The following SGCZ variants were observed in gnomAD, a reference collection of about 807,000 sequenced individuals.
The protein encoded by SGCZ is zeta-sarcoglycan.
SGCZ carries 40 observed loss-of-function variants against 41.3 expected under a neutral mutation model. The ratio of observed to expected loss-of-function variants is 0.97; its 90% CI spans 0.75 to 1.26. The LOEUF (loss-of-function observed/expected upper bound fraction) is 1.26. Ranked by LOEUF, SGCZ falls within the 50% of genes most tolerant of loss-of-function variation. The probability of loss-of-function intolerance (pLI) is 0.00; values close to 1 mark genes in which losing one functional copy is unlikely to be tolerated. For missense variants in SGCZ, 552 were observed against 369.8 expected, an observed-to-expected ratio of 1.49 and a Z score of -4.04; for synonymous variants, 206 against 137.5, an observed-to-expected ratio of 1.50 and a Z score of -3.49.
intron 5 of SGCZ, among the ~76,000 whole-genome samples, chr8:14,137,617 G>T (rs757596594): frequency 1.3e-5 from 2 of 152,072 alleles, no homozygotes; most frequent in Non-Finnish European, 2.9e-5. Flanking sequence ...AGTGAGAAGA[G>T]AAGTTTAGAG....
rs183365216 is a variant in SGCZ at position 14,501,269 on chromosome 8, C to G, written c.234+53463G>C. Among the ~76,000 whole-genome samples, 277 of 151,930 alleles carry G rather than the reference C, an allele frequency of 1.8e-3. 1 individual carries two copies. The highest frequency in any genetic ancestry group is 6.8e-3 in the Middle Eastern group (2 of 294). ...ATTGCATTGAGTCTACCTGAATAATCAACGGTAATCATCTTCTCTAAATGT... is the reference window on the plus strand; with the variant it reads ...ATTGCATTGAGTCTACCTGAATAATGAACGGTAATCATCTTCTCTAAATGT... On this transcript the variant is annotated intron_variant, in intron 2 of 7. Coordinates refer to ENST00000382080, the MANE Select transcript of SGCZ (RefSeq NM_139167.4).
intron 2 of SGCZ, among the ~76,000 whole-genome samples, chr8:14,478,983 C>T (rs886260891): frequency 3.2e-4 from 49 of 152,192 alleles, no homozygotes; most frequent in African/African-American, 1.2e-3. Context: ...AATGCCCACC[C>T]CTCTAACTGT....
intron 3 of SGCZ, among the ~76,000 whole-genome samples, chr8:14,322,538 C>G (rs889512851): frequency 6.6e-6 from 1 of 152,050 alleles, no homozygotes; most frequent in Non-Finnish European, 1.5e-5. Flanking sequence ...GTTATGCTCT[C>G]AGAAATGTCC....
intron 5 of SGCZ, among the ~76,000 whole-genome samples, chr8:14,141,204 A>G (rs180751646): frequency 1.1e-3 from 168 of 152,328 alleles, no homozygotes; most frequent in African/African-American, 3.7e-3. Flanking sequence ...TGTTAGACCT[A>G]AAACCATAAA....
chr8:14,980,685 C>G (rs1322795695), intron 1 of SGCZ, among the ~76,000 whole-genome samples: 1 of 152,116 alleles, frequency 6.6e-6, no homozygotes. Flanking sequence ...TCTCATGAGA[C>G]TTATTCACCA....
At chr8:14,169,045 G>T (rs1023400287) in intron 4 of SGCZ, among the ~76,000 whole-genome samples, 2 of 152,138 alleles carry the variant, frequency 1.3e-5, no homozygotes, top group Non-Finnish European at 2.9e-5. Flanking sequence ...CTAGAGTTAG[G>T]ATTCAAGCCA....
intron 2 of SGCZ, among the ~76,000 whole-genome samples, chr8:14,325,797 C>G: frequency 8.2e-6 from 1 of 121,350 alleles, no homozygotes; most frequent in African/African-American, 3.1e-5. Flanking sequence ...TATATATCAA[C>G]CAGCACATCC....
At chr8:14,245,877 C>A (rs1019512542) in intron 3 of SGCZ, among the ~76,000 whole-genome samples, 1 of 152,126 alleles carries the variant, frequency 6.6e-6, no homozygotes, top group African/African-American at 2.4e-5. Flanking sequence ...CAGAGAAATG[C>A]AAATCAAAAC....
intron 1 of SGCZ, among the ~76,000 whole-genome samples, chr8:15,054,780 C>A (rs1804643587): frequency 6.6e-6 from 1 of 151,562 alleles, no homozygotes; most frequent in Non-Finnish European, 1.5e-5. Context: ...CGGTGAAACC[C>A]CGTCTCTACT....
At chr8:14,216,290 T>C (rs1475759265) in intron 4 of SGCZ, among the ~76,000 whole-genome samples, 1 of 152,068 alleles carries the variant, frequency 6.6e-6, no homozygotes, top group East Asian at 1.9e-4. Context: ...TTCCGAGAAG[T>C]TTTGTGTCCT....
intron 1 of SGCZ, among the ~76,000 whole-genome samples, chr8:14,771,588 A>G (rs6990932): frequency 0.029 from 4,381 of 152,208 alleles, 203 homozygotes; most frequent in African/African-American, 0.1. Context: ...ATTGGTATAT[A>G]TATTTAAAAT....
intron 4 of SGCZ, among the ~76,000 whole-genome samples, chr8:14,185,684 GT>G (rs1258036637): frequency 6.6e-6 from 1 of 151,820 alleles, no homozygotes; most frequent in African/African-American, 2.4e-5. Context: ...GTTTTGTTTT[GT>G]TTTGTTTTGG....
intron 1 of SGCZ, among the ~76,000 whole-genome samples, chr8:14,786,063 G>A (rs902424174): frequency 2.3e-5 from 3 of 132,930 alleles, no homozygotes; most frequent in Non-Finnish European, 4.6e-5. Context: ...CCTAATTTCT[G>A]AAATTATCAA....
At position 14,519,490 on chromosome 8, in the gene SGCZ, G is replaced by A. The variant is rs558092378; in HGVS notation, c.234+35242C>T. ...ATATAATGTCTTATGAACATCAAGA[G>A]AAAAGATACATTGCAACGTTCATGT... On this transcript the variant is annotated intron_variant, in intron 2 of 7. Coordinates refer to ENST00000382080, the MANE Select transcript of SGCZ (RefSeq NM_139167.4). 2.6e-5 allele frequency among the ~76,000 whole-genome samples: 4 copies of A among 152,132 alleles called. No homozygotes were observed. In the East Asian group the frequency reaches 7.7e-4, roughly 29 times the overall value.
At chr8:14,629,280 G>C (rs1409541557) in intron 1 of SGCZ, among the ~76,000 whole-genome samples, 2 of 151,238 alleles carry the variant, frequency 1.3e-5, no homozygotes, top group Non-Finnish European at 3.0e-5. Context: ...AAATCACTTA[G>C]CTTAATGCCC....
chr8:14,528,823 C>T (rs1341467508), intron 2 of SGCZ, among the ~76,000 whole-genome samples: 3 of 60,438 alleles, frequency 5.0e-5, no homozygotes, highest in Non-Finnish European at 9.0e-5. Flanking sequence ...CATCACGGAC[C>T]AGCCAAAAAA....
chr8:14,119,787 A>T (rs1477622557), intron 5 of SGCZ, among the ~76,000 whole-genome samples: 1 of 152,124 alleles, frequency 6.6e-6, no homozygotes. Context: ...GTTGAATTTT[A>T]TCAAAGGCCT....
At chr8:14,617,104 C>T (rs12216725) in intron 1 of SGCZ, among the ~76,000 whole-genome samples, 51,531 of 151,858 alleles carry the variant, frequency 0.34, 8,985 homozygotes, top group East Asian at 0.61. Flanking sequence ...GTTATTACTA[C>T]TAAATTTTGA....
Position 14,566,141 on chromosome 8 carries a change from T to C in SGCZ, c.40-11215A>G, listed in dbSNP as rs139790592. ...AGATCTTGCAGAGACCAACAAAGTC[T>C]AACTAAAATAAGTGTTTAATCAGAA... On this transcript the variant is annotated intron_variant, in intron 1 of 7. Transcript: ENST00000382080. 3.9e-5 allele frequency among the ~76,000 whole-genome samples: 6 copies of C among 152,326 alleles called. No homozygotes were observed. The East Asian group carries it at 1.2e-3, about 29-fold the overall frequency.
Sources: gnomAD v4.1 joint callset for allele counts (sites outside exome capture counted in the v4.1 genomes callset) on GRCh38, gnomAD v4.1.1 for gene constraint, MANE v1.5 for transcripts, NCBI Gene and HGNC (gene_info 2026-07-23, HGNC 2026-07-21) for gene names.